SNCAIP: variants seen among roughly 807,000 people sequenced by gnomAD.
The protein encoded by SNCAIP is synuclein alpha interacting protein.
A neutral mutation model predicts 86.7 loss-of-function variants in SNCAIP; 43 were observed. That is an observed-to-expected ratio of 0.50 (90% CI 0.39 to 0.64). The LOEUF (loss-of-function observed/expected upper bound fraction) is 0.64, where lower values mean the gene tolerates loss of function less well. Among genes scored for constraint, SNCAIP ranks in the 30% least tolerant of loss-of-function variants. The pLI is 0.00. For missense variants in SNCAIP, 981 were observed against 1,103.1 expected, an observed-to-expected ratio of 0.89 and a Z score of 1.57; for synonymous variants, 417 against 427.2, an observed-to-expected ratio of 0.98 and a Z score of 0.29.
chr5:122,454,150 G>T (rs139350372), intron 10 of SNCAIP, among the ~76,000 whole-genome samples: 1 of 152,342 alleles, frequency 6.6e-6, no homozygotes, highest in East Asian at 1.9e-4. Context: ...AAGCATGCAT[G>T]TGGGTAGGTG....
At chr5:122,406,845 G>A (rs919565894) in intron 3 of SNCAIP, among the ~76,000 whole-genome samples, 15 of 151,968 alleles carry the variant, frequency 9.9e-5, no homozygotes, top group Non-Finnish European at 2.2e-4. Context: ...TTTCTTTATA[G>A]CAGTGCAAGA....
At chr5:122,332,317 C>T (rs918866129) in intron 1 of SNCAIP, among the ~76,000 whole-genome samples, 2 of 152,120 alleles carry the variant, frequency 1.3e-5, no homozygotes, top group Admixed American at 6.5e-5. Flanking sequence ...TCTATTTACA[C>T]ATGGTGGAGT....
chr5:122,435,344 C>T (rs1211802275), intron 6 of SNCAIP, among the ~76,000 whole-genome samples: 2 of 152,162 alleles, frequency 1.3e-5, no homozygotes, highest in Non-Finnish European at 2.9e-5. Context: ...AAAGCTACTG[C>T]CTGTGTAACT....
chr5:122,322,950 G>A (rs1390172642), intron 1 of SNCAIP, among the ~76,000 whole-genome samples: 3 of 152,306 alleles, frequency 2.0e-5, no homozygotes, highest in African/African-American at 7.2e-5. Flanking sequence ...CTTCAAAGAT[G>A]ACAGCTCTGG....
intron 1 of SNCAIP, among the ~76,000 whole-genome samples, chr5:122,369,310 C>T (rs923763639): frequency 1.3e-5 from 2 of 152,146 alleles, no homozygotes; most frequent in Non-Finnish European, 2.9e-5. Flanking sequence ...GACCCAATGT[C>T]GCATAAAGTA....
chr5:122,366,936 T>G (rs1480676520), intron 1 of SNCAIP, among the ~76,000 whole-genome samples: 1 of 152,096 alleles, frequency 6.6e-6, no homozygotes, highest in Non-Finnish European at 1.5e-5. Flanking sequence ...CTTCTCAAAT[T>G]CATTCAAGCA....
intron 1 of SNCAIP, among the ~76,000 whole-genome samples, chr5:122,343,453 A>G (rs769127478): frequency 6.6e-5 from 10 of 152,214 alleles, no homozygotes; most frequent in Non-Finnish European, 1.5e-4. Context: ...CAACATCAGT[A>G]TGCCTTTTAT....
At chr5:122,311,827 G>A (rs1051372335), upstream of SNCAIP, 17 of 152,700 alleles carry the variant, frequency 1.1e-4, no homozygotes, top group Non-Finnish European at 2.3e-4. Flanking sequence ...CGGGCAGGCC[G>A]GGGGATCCCT....
At position 122,423,507 on chromosome 5, in the gene SNCAIP, A is replaced by C. The variant is rs756583232; in HGVS notation, c.770A>C (p.Asp257Ala). The change falls in exon 4 of 11, where the codon GAC becomes GCC. Residue 257 changes from aspartate (D) to alanine (A), a missense_variant. Asp to Ala is a moderately radical substitution (Grantham distance 126, BLOSUM62 -2). Coordinates refer to ENST00000261368, the MANE Select transcript of SNCAIP (RefSeq NM_005460.4). Reference protein sequence around the residue: ...SAYEPENQSKDFLNKTFSDPH... With the variant: ...SAYEPENQSKAFLNKTFSDPH... ...TATGAGCCTGAAAACCAGAGTAAAG[A>C]CTTCCTAAACAAGACATTTAGTGAT... 2 of 1,614,194 alleles carry C rather than the reference A, an allele frequency of 1.2e-6. No homozygotes were observed. The highest frequency in any genetic ancestry group is 1.1e-5 in the South Asian group (1 of 91,084).
At chr5:122,318,458 T>G (rs999810886) in intron 1 of SNCAIP, among the ~76,000 whole-genome samples, 17 of 152,192 alleles carry the variant, frequency 1.1e-4, no homozygotes, top group Middle Eastern at 3.2e-3. Flanking sequence ...CTTACTTCCT[T>G]ATCTTTGCAC....
At chr5:122,369,464 A>T (rs909196241) in intron 1 of SNCAIP, among the ~76,000 whole-genome samples, 4 of 152,244 alleles carry the variant, frequency 2.6e-5, no homozygotes, top group Non-Finnish European at 4.4e-5. Flanking sequence ...ACCACTTTAC[A>T]TAGGATTGCA....
chr5:122,328,390 C>T (rs1484904901), intron 1 of SNCAIP, among the ~76,000 whole-genome samples: 1 of 152,198 alleles, frequency 6.6e-6, no homozygotes, highest in African/African-American at 2.4e-5. Context: ...CCTTCAAAAT[C>T]TTGGCTCTGT....
chr5:122,377,025 T>A (rs1765464993), intron 1 of SNCAIP, among the ~76,000 whole-genome samples: 1 of 152,184 alleles, frequency 6.6e-6, no homozygotes, highest in Non-Finnish European at 1.5e-5. Flanking sequence ...CCCATTCCAT[T>A]AAAGCCCATT....
At chr5:122,392,466 C>T (rs1196096282) in intron 2 of SNCAIP, among the ~76,000 whole-genome samples, 1 of 152,034 alleles carries the variant, frequency 6.6e-6, no homozygotes, top group East Asian at 1.9e-4. Flanking sequence ...GACTTGGAAG[C>T]ATTCAAAGCA....
At chr5:122,359,349 T>TTTATTTATTTA (rs1761742709) in intron 1 of SNCAIP, among the ~76,000 whole-genome samples, 2 of 142,182 alleles carry the variant, frequency 1.4e-5, no homozygotes, top group Non-Finnish European at 3.0e-5. Flanking sequence ...AGATTTTTAT[T>TTTATTTATTTA]TTTATTTATT....
Position 122,463,658 on chromosome 5 carries a change from T to C in SNCAIP, c.*162T>C. 1.5e-6 allele frequency: 1 copy of C among 671,474 alleles called. No individual in the cohort carries two copies. Among genetic ancestry groups the C allele is most frequent in the East Asian group, 2.7e-5 (1 of 36,878 alleles). 41.6% of individuals were successfully genotyped at this position (671,474 alleles called of 1,614,324 possible). A position where few individuals can be genotyped will look rare whatever the true frequency, so the allele number is the denominator to read the frequency against. ...ACTATCCTCTTTGGAAAGAGAACCA[T>C]GAAAACAATGCCTCACCAGCAGAAG... On this transcript the variant is annotated 3_prime_UTR_variant, in exon 11 of 11. Transcript: ENST00000261368.
chr5:122,358,203 G>GTGTATATA (rs1221236719), intron 1 of SNCAIP, among the ~76,000 whole-genome samples: 5 of 130,386 alleles, frequency 3.8e-5, no homozygotes, highest in South Asian at 2.7e-4. Context: ...GTGTGTGTGT[G>GTGTATATA]TATATATATA....
At chr5:122,438,119 G>C (rs1779943913) in intron 6 of SNCAIP, among the ~76,000 whole-genome samples, 2 of 152,178 alleles carry the variant, frequency 1.3e-5, no homozygotes, top group Admixed American at 6.5e-5. Flanking sequence ...AAAGAAAGAA[G>C]TCTCTAGAAT....
intron 1 of SNCAIP, chr5:122,369,732 T>A (rs1415820525): frequency 4.6e-5 from 7 of 152,202 alleles, no homozygotes; most frequent in African/African-American, 1.7e-4. Context: ...TGGTGAAGGA[T>A]GCAGTCTTGC....
Sources: allele counts gnomAD v4.1 joint callset (sites outside exome capture counted in the v4.1 genomes callset), GRCh38; gene constraint gnomAD v4.1.1; transcripts MANE v1.5; gene names NCBI Gene and HGNC (gene_info 2026-07-23, HGNC 2026-07-21).